ZNF90: variants seen among roughly 807,000 people sequenced by gnomAD.
ZNF90 encodes zinc finger protein 90, also known as zinc finger protein HTF9.
ZNF90 carries 11 observed loss-of-function variants against 12.0 expected under a neutral mutation model. The ratio of observed to expected loss-of-function variants is 0.92; its 90% CI spans 0.58 to 1.52. The LOEUF is 1.52. ZNF90 is among the 40% of genes most tolerant of loss of function. The pLI is 0.00. For missense variants in ZNF90, 765 were observed against 711.5 expected (o/e 1.08, Z -0.86); for synonymous variants, 232 against 240.1 (o/e 0.97, Z 0.31).
At chr19:20,078,447 G>A (rs1397795122) in intron 1 of ZNF90, among the ~76,000 whole-genome samples, 1 of 152,000 alleles carries the variant, frequency 6.6e-6, no homozygotes, top group South Asian at 2.1e-4. Flanking sequence ...ATCCTGACTC[G>A]GGGTGCAGGT....
At chr19:20,099,070 T>C (rs1555703550) in intron 1 of ZNF90, among the ~76,000 whole-genome samples, 1 of 152,230 alleles carries the variant, frequency 6.6e-6, no homozygotes, top group African/African-American at 2.4e-5. Context: ...GTACAACAAA[T>C]ACACGTGTCC....
At chr19:20,110,849 TTATC>T (rs1158307418) in intron 3 of ZNF90, among the ~76,000 whole-genome samples, 4 of 152,198 alleles carry the variant, frequency 2.6e-5, no homozygotes, top group East Asian at 1.9e-4. Context: ...GAAAACTTGT[TTATC>T]TATTTCTAAA....
intron 1 of ZNF90, among the ~76,000 whole-genome samples, chr19:20,078,879 T>C (rs10404789): frequency 0.072 from 11,005 of 152,102 alleles, 1,136 homozygotes; most frequent in African/African-American, 0.23. Flanking sequence ...TTTCAGCACT[T>C]TGGGGCGCCG....
intron 1 of ZNF90, chr19:20,079,741 G>C: frequency 4.9e-6 from 1 of 205,540 alleles, no homozygotes; most frequent in Middle Eastern, 2.2e-3. Context: ...CTTGAGGGAG[G>C]CATATAAGCT....
intron 3 of ZNF90, among the ~76,000 whole-genome samples, chr19:20,114,026 C>T (rs1388224535): frequency 2.6e-5 from 4 of 152,120 alleles, no homozygotes; most frequent in Non-Finnish European, 4.4e-5. Flanking sequence ...GGCGGGGTGG[C>T]TTACGCCTGT....
chr19:20,105,090 T>A (rs2089022991), intron 2 of ZNF90, 131 bp from the exon 3 acceptor site: 3 of 495,496 alleles, frequency 6.1e-6, no homozygotes, highest in Non-Finnish European at 9.8e-6. Context: ...CTAAATCTTT[T>A]GAAATTTTTT....
In ZNF90 at chr19:20,118,511, C is replaced by T; in HGVS notation, c.957C>T (p.Gly319=). 1 of 1,613,644 alleles carries T rather than the reference C, an allele frequency of 6.2e-7. No individual in the cohort carries two copies. Among genetic ancestry groups the T allele is most frequent in the Non-Finnish European group, 8.5e-7 (1 of 1,179,934 alleles). Residue 319 remains glycine (G), a synonymous_variant, in exon 4 of 4, where the codon GGC becomes GGT. Coordinates refer to ENST00000418063, the MANE Select transcript of ZNF90 (RefSeq NM_007138.2). ...AACCCTACAAATGTGAAGAATGTGG[C>T]AAAGCCTTCAAGCTCTCCTCAATCC... ...EEKPYKCEEC[G]KAFKLSSILS... is the part of the protein sequence containing the mutation.
intron 3 of ZNF90, among the ~76,000 whole-genome samples, chr19:20,106,225 T>C (rs896491040): frequency 6.6e-6 from 1 of 151,938 alleles, no homozygotes; most frequent in Non-Finnish European, 1.5e-5. Context: ...ATTTACTGAG[T>C]ATTTATTATT....
chr19:20,100,802 T>C (rs1374640722), intron 1 of ZNF90, among the ~76,000 whole-genome samples: 2 of 152,064 alleles, frequency 1.3e-5, no homozygotes, highest in African/African-American at 4.8e-5. Flanking sequence ...GTAACTCAGC[T>C]CACATCTGAC....
At chr19:20,100,572 C>T (rs1555703769) in intron 1 of ZNF90, among the ~76,000 whole-genome samples, 1 of 152,166 alleles carries the variant, frequency 6.6e-6, no homozygotes, top group African/African-American at 2.4e-5. Context: ...ATTGAAGGCA[C>T]CCCTCCCCAG....
chr19:20,106,515 C>T (rs1314110894), intron 3 of ZNF90, among the ~76,000 whole-genome samples: 4 of 152,116 alleles, frequency 2.6e-5, no homozygotes, highest in Non-Finnish European at 4.4e-5. Context: ...AGTGCAGTGG[C>T]GCGATTTCGC....
chr19:20,107,392 T>G (rs1430346932), intron 3 of ZNF90, among the ~76,000 whole-genome samples: 2 of 152,176 alleles, frequency 1.3e-5, no homozygotes, highest in African/African-American at 2.4e-5. Context: ...CCCACCTAAA[T>G]GAGGGCCTGC....
chr19:20,108,021 T>A (rs1036898494), intron 3 of ZNF90, among the ~76,000 whole-genome samples: 17 of 152,198 alleles, frequency 1.1e-4, no homozygotes, highest in African/African-American at 2.9e-4. Flanking sequence ...GGAAAAAAAA[T>A]ATATATTTTT....
chr19:20,119,292 C>T lies in ZNF90; in HGVS notation c.1738C>T (p.Leu580Phe). Reference protein sequence around the residue: ...CGKAFNLSSDLNTHKRIHIGQ... With the variant: ...CGKAFNLSSDFNTHKRIHIGQ... ...CAAAGCTTTTAACTTGTCCTCAGAC[C>T]TTAATACACATAAGAGGATTCATAT... The change falls in exon 4 of 4, where the codon CTT becomes TTT. Residue 580 changes from leucine (L) to phenylalanine (F), a missense_variant. Physicochemically the swap from Leu to Phe is conservative, Grantham distance 22 (BLOSUM62 0). Transcript: ENST00000418063. 6.2e-7 allele frequency: 1 copy of T among 1,612,672 alleles called. No individual in the cohort carries two copies. Among genetic ancestry groups the T allele is most frequent in the Middle Eastern group, 1.7e-4 (1 of 6,060 alleles).
At chr19:20,113,636 TG>T (rs2089110629) in intron 3 of ZNF90, among the ~76,000 whole-genome samples, 2 of 152,218 alleles carry the variant, frequency 1.3e-5, no homozygotes, top group South Asian at 4.1e-4. Flanking sequence ...GAGACCATCC[TG>T]GCTAACACGG....
chr19:20,090,118 A>G (rs1474853413), intron 1 of ZNF90, among the ~76,000 whole-genome samples: 1 of 152,178 alleles, frequency 6.6e-6, no homozygotes, highest in African/African-American at 2.4e-5. Flanking sequence ...ATCAGCTGTA[A>G]TGGCTTGAAG....
chr19:20,106,995 T>A, intron 3 of ZNF90: 1 of 436,420 alleles, frequency 2.3e-6, no homozygotes, highest in Non-Finnish European at 4.6e-6. Flanking sequence ...CACTAGGGCA[T>A]GTTTTTGCAG....
At chr19:20,106,065 T>TC (rs1555704383) in intron 3 of ZNF90, among the ~76,000 whole-genome samples, 1 of 144,040 alleles carries the variant, frequency 6.9e-6, no homozygotes, top group Non-Finnish European at 1.5e-5. Context: ...TTTTTTTTTT[T>TC]TTGGTAAAGA....
intron 1 of ZNF90, among the ~76,000 whole-genome samples, chr19:20,095,965 C>T (rs1294712178): frequency 1.3e-5 from 2 of 152,186 alleles, no homozygotes; most frequent in African/African-American, 4.8e-5. Context: ...AGAGGCATCC[C>T]TGCAATGATT....
Sources: gnomAD v4.1 joint callset for allele counts (sites outside exome capture counted in the v4.1 genomes callset) on GRCh38, gnomAD v4.1.1 for gene constraint, MANE v1.5 for transcripts, NCBI Gene and HGNC (gene_info 2026-07-23, HGNC 2026-07-21) for gene names.